Variants in NPHP4 observed in about 807,000 individuals in gnomAD.
NPHP4 encodes the protein nephrocystin 4.
Under a neutral mutation model 155.8 loss-of-function variants are expected in NPHP4, and 151 were observed. The observed-to-expected ratio is 0.97, with a 90% confidence interval of 0.85 to 1.11. The LOEUF is 1.11. NPHP4 is among the 50% of genes least tolerant of loss of function. The pLI is 0.00. For synonymous variants in NPHP4, 845 were observed against 816.8 expected (o/e 1.03, Z -0.59); for missense variants, 1,956 against 1,925.7 (o/e 1.02, Z -0.29).
At chr1:5,906,866 G>A (rs1310808210) in intron 13 of NPHP4, among the ~76,000 whole-genome samples, 1 of 152,224 alleles carries the variant, frequency 6.6e-6, no homozygotes, top group Non-Finnish European at 1.5e-5. Context: ...CATGGGTAGA[G>A]CACAATCTGA....
intron 9 of NPHP4, among the ~76,000 whole-genome samples, chr1:5,934,122 A>G (rs1012242698): frequency 1.3e-5 from 2 of 152,172 alleles, no homozygotes; most frequent in African/African-American, 2.4e-5. Context: ...TTTGGACCCC[A>G]AAGTCCAGCA....
intron 10 of NPHP4, among the ~76,000 whole-genome samples, 172 bp from the exon 11 acceptor site, chr1:5,927,959 T>C (rs540804053): frequency 5.5e-4 from 83 of 152,254 alleles, no homozygotes; most frequent in East Asian, 3.1e-3. Context: ...CAAAAAGCAA[T>C]TGGTGTGGCA....
At chr1:5,979,349 G>A (rs962720852) in intron 2 of NPHP4, among the ~76,000 whole-genome samples, 4 of 152,088 alleles carry the variant, frequency 2.6e-5, no homozygotes, top group Admixed American at 2.6e-4. Context: ...GGCAGGGCAG[G>A]GCAGGGCAGG....
intron 23 of NPHP4, among the ~76,000 whole-genome samples, chr1:5,868,896 G>A (rs111163290): frequency 0.022 from 2,535 of 117,834 alleles, 32 homozygotes; most frequent in Non-Finnish European, 0.033. Context: ...ACATATGCAC[G>A]CCCACATGCA....
intron 5 of NPHP4, among the ~76,000 whole-genome samples, chr1:5,964,918 T>C (rs1424264486): frequency 3.1e-5 from 2 of 63,508 alleles, no homozygotes; most frequent in South Asian, 4.8e-4. Flanking sequence ...ACATATATAT[T>C]ATATATATAT....
intron 9 of NPHP4, among the ~76,000 whole-genome samples, chr1:5,937,453 A>G (rs1159553370): frequency 6.6e-6 from 1 of 152,234 alleles, no homozygotes; most frequent in Admixed American, 6.5e-5. Context: ...CGAAGGTGAA[A>G]ACATCACATT....
rs751156868 is a variant in NPHP4, at chr1:5,947,194, G to A, written c.1029C>T (p.Leu343=). ...GSQALVLRSR[L]RLPEMVGHPA... ...GGTGGCCGACCATCTCTGGGAGGCGGAGGCGGCTTCTCAAAACCAGAGCTT... is the reference window on the plus strand; with the variant it reads ...GGTGGCCGACCATCTCTGGGAGGCGAAGGCGGCTTCTCAAAACCAGAGCTT... The change falls in exon 9 of 30, where the codon CTC becomes CTT. Residue 343 remains leucine (L), a synonymous_variant. Coordinates refer to ENST00000378156, the MANE Select transcript of NPHP4 (RefSeq NM_015102.5). 3 of 1,613,932 alleles carry A rather than the reference G, an allele frequency of 1.9e-6. No homozygotes were observed.
At chr1:5,881,803 C>T (rs1398139613) in intron 18 of NPHP4, 2 of 152,278 alleles carry the variant, frequency 1.3e-5, no homozygotes, top group African/African-American at 4.8e-5. Context: ...GCCAGGCTGG[C>T]CTTCCTGCCA....
intron 16 of NPHP4, among the ~76,000 whole-genome samples, chr1:5,899,571 G>A (rs1159967670): frequency 6.6e-6 from 1 of 152,208 alleles, no homozygotes; most frequent in African/African-American, 2.4e-5. Context: ...GGTTACGCAG[G>A]TGTGTTCACT....
rs769165439 is a variant in NPHP4 at position 5,905,596 on chromosome 1, G to A, written c.1763+36C>T. The A allele has an allele frequency of 4.2e-5, 67 of 1,612,056 alleles. No homozygotes were observed. Among genetic ancestry groups the A allele is most frequent in the South Asian group, 8.8e-5 (8 of 90,910 alleles). ...GTCCAACAGTCTGACGGCACAGCAC[G>A]TGACTGGTTCCATCCCACCCAGACC... On this transcript the variant is annotated intron_variant, in intron 14 of 29. Transcript: ENST00000378156. The surrounding 1 kb of genome is among the most constrained non-coding windows in gnomAD (Gnocchi z 4.0).
rs199912631 is a variant in NPHP4, at chr1:5,904,618, A to T, written c.2142T>A (p.Ala714=). ...VPVSRDGTFD[A]GSPGFQLRYM... ...TTTGCCATGCACATGAGTACTCACC[A>T]GCATCAAAGGTGCCATCTCTGCTCA... is the stretch of plus-strand genomic sequence containing the variant. The change falls in exon 16 of 30, where the codon GCT becomes GCA. Residue 714 remains alanine (A), a splice_region_variant and synonymous_variant. Transcript: ENST00000378156. 79 of 1,604,404 alleles carry T rather than the reference A, an allele frequency of 4.9e-5. No individual in the cohort carries two copies. In the African/African-American group the frequency reaches 8.8e-4, roughly 18 times the overall value.
chr1:5,908,145 C>G (rs1645004785), intron 12 of NPHP4, among the ~76,000 whole-genome samples: 1 of 152,130 alleles, frequency 6.6e-6, no homozygotes, highest in East Asian at 1.9e-4. Flanking sequence ...CCCAGGGGAC[C>G]CTGGCAGCAT....
Position 5,874,978 on chromosome 1 carries a change from C to A in NPHP4, c.2940G>T (p.Thr980=). 6.2e-7 allele frequency: 1 copy of A among 1,612,794 alleles called. No homozygotes were observed. The highest frequency in any genetic ancestry group is 8.5e-7 in the Non-Finnish European group (1 of 1,179,856). Residue 980 remains threonine, a synonymous_variant, in exon 21 of 30, where the codon ACG becomes ACT. Coordinates refer to ENST00000378156, the MANE Select transcript of NPHP4 (RefSeq NM_015102.5). ...LLSLAITTEH[T]LHATLGVAEF... is the part of the protein sequence containing the mutation. ...CGGCGACCCCCAGCGTGGCGTGGAG[C>A]GTGTGCTCCGTGGTGATGGCCAGGC...
At chr1:5,945,632 G>A (rs190272737) in intron 9 of NPHP4, among the ~76,000 whole-genome samples, 7 of 152,266 alleles carry the variant, frequency 4.6e-5, no homozygotes, top group Non-Finnish European at 1.0e-4. Flanking sequence ...CCCTAAGACC[G>A]TCCTCAGCAC....
Position 5,880,180 on chromosome 1 carries a change from C to G in NPHP4, c.2545G>C (p.Val849Leu). 1 of 1,613,648 alleles carries G rather than the reference C, an allele frequency of 6.2e-7. No homozygotes were observed. Reference protein sequence around the residue: ...CSTLPPSRSRVISNDGASRFS... With the variant: ...CSTLPPSRSRLISNDGASRFS... ...CGGCTGGCTCCATCGTTTGAGATGA[C>G]CCGAGATCTGGACGGTGGCAATGTG... The change falls in exon 19 of 30, where the codon GTC (valine) becomes CTC (leucine). Residue 849 changes from valine (V) to leucine (L), a missense_variant. Transcript: ENST00000378156.
chr1:5,864,218 G>T, intron 28 of NPHP4, 120 bp downstream of exon 28: 2 of 1,158,330 alleles, frequency 1.7e-6, no homozygotes, highest in Non-Finnish European at 2.5e-6. Flanking sequence ...CATGCACCCG[G>T]CCCTGCTGGG....
At chr1:5,942,913 C>T (rs951633323) in intron 9 of NPHP4, among the ~76,000 whole-genome samples, 1 of 152,204 alleles carries the variant, frequency 6.6e-6, no homozygotes, top group Non-Finnish European at 1.5e-5. Flanking sequence ...AGACATGAAA[C>T]GCAGCCAAGA....
intron 25 of NPHP4, 58 bp from the exon 26 acceptor site, chr1:5,866,516 G>A: frequency 9.5e-7 from 1 of 1,047,258 alleles, no homozygotes. Flanking sequence ...CCCCAGCCTG[G>A]CCCCTAAATC....
chr1:5,866,177 G>A (rs1641198316), intron 26 of NPHP4, 196 bp downstream of exon 26: 2 of 606,186 alleles, frequency 3.3e-6, no homozygotes, highest in East Asian at 5.6e-5. Flanking sequence ...GGCTGCACGT[G>A]CCCCTCCAAG....
Sources: allele counts gnomAD v4.1 joint callset (sites outside exome capture counted in the v4.1 genomes callset), GRCh38; gene constraint gnomAD v4.1.1; non-coding constraint Gnocchi (gnomAD v3.1); transcripts MANE v1.5; gene names NCBI Gene and HGNC (gene_info 2026-07-23, HGNC 2026-07-21).